The following ENOX2 variants were observed in gnomAD, a reference collection of about 807,000 sequenced individuals.
ENOX2 encodes the protein ecto-NOX disulfide-thiol exchanger 2.
ENOX2 carries 36 observed loss-of-function variants against 45.0 expected under a neutral mutation model. The observed-to-expected ratio is 0.80, with a 90% confidence interval of 0.61 to 1.06. The LOEUF (loss-of-function observed/expected upper bound fraction) is 1.06. Among genes scored for constraint, ENOX2 ranks in the 50% least tolerant of loss-of-function variants. The probability of loss-of-function intolerance (pLI) is 0.00; values close to 1 mark genes in which losing one functional copy is unlikely to be tolerated. For missense variants in ENOX2, 423 were observed against 462.5 expected, an observed-to-expected ratio of 0.91 and a Z score of 0.78; for synonymous variants, 174 against 152.3, an observed-to-expected ratio of 1.14 and a Z score of -1.05.
chrX:130,697,901 T>G (rs2037802918), intron 4 of ENOX2, among the ~76,000 whole-genome samples: 1 of 112,008 alleles, frequency 8.9e-6, no homozygotes, highest in African/African-American at 3.2e-5. Context: ...TCCAAAGGCT[T>G]TAAATAGTTT....
chrX:130,822,961 T>G (rs1466690102), intron 2 of ENOX2, among the ~76,000 whole-genome samples: 1 of 111,932 alleles, frequency 8.9e-6, no homozygotes, highest in African/African-American at 3.2e-5. Context: ...TTACAATATT[T>G]TCAACTTATA....
chrX:130,634,789 T>C lies in ENOX2; in HGVS notation c.1419+195A>G, dbSNP rs766702500. Among the ~76,000 whole-genome samples the C allele has an allele frequency of 5.0e-4, 55 of 111,068 alleles. 1 individual carries two copies. The highest frequency in any genetic ancestry group is 1.6e-3 in the African/African-American group (50 of 30,615). The stretch of plus-strand genomic sequence containing the variant: ...TGAAAGGTGTACACTCCAGAACCCT[T>C]AGAAATGCCAAGGACTCACACCTAA... On this transcript the variant is annotated intron_variant, in intron 12 of 14. Transcript: ENST00000394363.
intron 5 of ENOX2, among the ~76,000 whole-genome samples, chrX:130,682,583 C>CAAAAAAAAA (rs55875735): frequency 6.8e-5 from 1 of 14,659 alleles, no homozygotes; most frequent in African/African-American, 2.0e-4. Context: ...GACTCCGTCT[C>CAAAAAAAAA]AAAAAAAAAA....
At chrX:130,813,680 C>A (rs750770748) in intron 2 of ENOX2, among the ~76,000 whole-genome samples, 1 of 111,729 alleles carries the variant, frequency 9.0e-6, no homozygotes, top group Non-Finnish European at 1.9e-5. Context: ...CCAAGGGAAG[C>A]CATGAGGGAC....
intron 2 of ENOX2, among the ~76,000 whole-genome samples, chrX:130,871,304 T>C (rs1484585341): frequency 1.8e-5 from 2 of 111,612 alleles, no homozygotes; most frequent in African/African-American, 6.5e-5. Flanking sequence ...CCATGGAGAA[T>C]ACTAAACAAA....
At chrX:130,682,015 AC>A (rs60504049) in intron 5 of ENOX2, among the ~76,000 whole-genome samples, 5,192 of 85,758 alleles carry the variant, frequency 0.061, 221 homozygotes, top group African/African-American at 0.16. Context: ...ATGGAACACA[AC>A]CCCCCCCCCC....
intron 2 of ENOX2, among the ~76,000 whole-genome samples, chrX:130,834,101 A>T (rs1173903230): frequency 8.9e-6 from 1 of 111,826 alleles, no homozygotes; most frequent in African/African-American, 3.2e-5. Context: ...GTGATAAAAC[A>T]ATCCCTTCTT....
At chrX:130,804,698 G>A (rs919824320) in intron 2 of ENOX2, among the ~76,000 whole-genome samples, 11 of 111,649 alleles carry the variant, frequency 9.9e-5, no homozygotes, top group Admixed American at 6.6e-4. Flanking sequence ...TAGAATTCAC[G>A]TCAATTTTTC....
intron 2 of ENOX2, among the ~76,000 whole-genome samples, chrX:130,880,086 A>T (rs2078781316): frequency 8.9e-6 from 1 of 111,764 alleles, no homozygotes; most frequent in Non-Finnish European, 1.9e-5. Context: ...TACAACAATG[A>T]ATTCTGGGAG....
chrX:130,821,110 A>G (rs2077588490), intron 2 of ENOX2, among the ~76,000 whole-genome samples: 1 of 112,115 alleles, frequency 8.9e-6, no homozygotes, highest in Non-Finnish European at 1.9e-5. Flanking sequence ...TTTTTAAAAA[A>G]GAAAAGAAAT....
chrX:130,665,248 A>C (rs1458555841), intron 9 of ENOX2, among the ~76,000 whole-genome samples: 5 of 112,232 alleles, frequency 4.5e-5, no homozygotes, highest in African/African-American at 1.3e-4. Context: ...GTATAACACC[A>C]GGCGGCTTCC....
chrX:130,679,468 A>T, intron 6 of ENOX2, 74 bp downstream of exon 6: 1 of 895,355 alleles, frequency 1.1e-6, no homozygotes, highest in Non-Finnish European at 1.6e-6. Context: ...CTTATCTGCT[A>T]TAGACACAAA....
At chrX:130,825,659 T>C (rs932232730) in intron 2 of ENOX2, among the ~76,000 whole-genome samples, 2 of 111,556 alleles carry the variant, frequency 1.8e-5, no homozygotes, top group Non-Finnish European at 3.8e-5. Context: ...TACACCATTC[T>C]GAGTAGCACA....
chrX:130,876,451 G>A (rs1161457219), intron 2 of ENOX2, among the ~76,000 whole-genome samples: 1 of 111,671 alleles, frequency 9.0e-6, no homozygotes, highest in Non-Finnish European at 1.9e-5. Flanking sequence ...TGGAGGAAGG[G>A]AGTATAGGAA....
intron 2 of ENOX2, among the ~76,000 whole-genome samples, chrX:130,819,281 T>G (rs1000174869): frequency 2.7e-5 from 3 of 111,900 alleles, no homozygotes; most frequent in Non-Finnish European, 5.6e-5. Context: ...CTGGTGAGTA[T>G]GTAAATTAGT....
intron 2 of ENOX2, among the ~76,000 whole-genome samples, chrX:130,850,201 A>C (rs2078181779): frequency 9.0e-6 from 1 of 111,667 alleles, no homozygotes; most frequent in Non-Finnish European, 1.9e-5. Flanking sequence ...GGGGAAAACA[A>C]AATAAATAAA....
At chrX:130,635,445 A>G (rs1238908139) in intron 11 of ENOX2, among the ~76,000 whole-genome samples, 1 of 112,279 alleles carries the variant, frequency 8.9e-6, no homozygotes, top group Admixed American at 9.5e-5. Flanking sequence ...GTTGTAAAGC[A>G]TTCTTGCAAA....
At chrX:130,877,819 A>G (rs2078735800) in intron 2 of ENOX2, among the ~76,000 whole-genome samples, 1 of 112,209 alleles carries the variant, frequency 8.9e-6, no homozygotes, top group South Asian at 3.7e-4. Flanking sequence ...CAGCTTATCA[A>G]TAGTGCCCTG....
intron 3 of ENOX2, among the ~76,000 whole-genome samples, chrX:130,741,853 A>G (rs1236910626): frequency 8.9e-6 from 1 of 111,980 alleles, no homozygotes; most frequent in South Asian, 3.7e-4. Flanking sequence ...AAGAGAGTCA[A>G]CCTAGCTCTG....
Sources: gnomAD v4.1 joint callset for allele counts (sites outside exome capture counted in the v4.1 genomes callset) on GRCh38, gnomAD v4.1.1 for gene constraint, MANE v1.5 for transcripts, NCBI Gene and HGNC (gene_info 2026-07-23, HGNC 2026-07-21) for gene names.